Variants in CHODL observed in about 807,000 individuals in gnomAD.
CHODL encodes transmembrane protein MT75.
CHODL carries 29 observed loss-of-function variants against 34.5 expected under a neutral mutation model. The observed-to-expected ratio is 0.84, with a 90% CI of 0.63 to 1.15. The LOEUF (loss-of-function observed/expected upper bound fraction) is 1.15, where lower values mean the gene tolerates loss of function less well. Among genes scored for constraint, CHODL ranks in the 50% most tolerant of loss-of-function variants. The probability of loss-of-function intolerance (pLI) is 0.00; values close to 1 mark genes in which losing one functional copy is unlikely to be tolerated. For missense variants in CHODL, 332 were observed against 332.5 expected, an observed-to-expected ratio of 1.00 and a Z score of 0.01; for synonymous variants, 125 against 116.1, an observed-to-expected ratio of 1.08 and a Z score of -0.49.
intron 2 of CHODL, among the ~76,000 whole-genome samples, chr21:18,076,620 C>A (rs1349576071): frequency 1.3e-5 from 2 of 152,134 alleles, no homozygotes; most frequent in Admixed American, 1.3e-4. Flanking sequence ...TGGGAGAGAA[C>A]ACAAAGGATG....
At chr21:18,220,775 A>G (rs1264165133) in intron 2 of CHODL, among the ~76,000 whole-genome samples, 1 of 151,908 alleles carries the variant, frequency 6.6e-6, no homozygotes, top group African/African-American at 2.4e-5. Flanking sequence ...TCTGATGATA[A>G]TCCTTTTGTA....
chr21:18,004,326 A>G lies in CHODL; in HGVS notation c.-144-23546A>G, dbSNP rs1003587008. On this transcript the variant is annotated intron_variant, in intron 1 of 6. Transcript: ENST00000400127. ...TAGCACAAAGAAGGTTTTAGCCTCTATAAGTGGTGTCAAAGGTCTAAATCA... is the reference window on the plus strand; with the variant it reads ...TAGCACAAAGAAGGTTTTAGCCTCTGTAAGTGGTGTCAAAGGTCTAAATCA... Among the ~76,000 whole-genome samples, 23 of 152,378 alleles carry G rather than the reference A, an allele frequency of 1.5e-4. 1 individual carries two copies. The South Asian group carries it at 3.7e-3, about 25-fold the overall frequency.
chr21:18,121,698 T>C (rs536257521), intron 2 of CHODL, among the ~76,000 whole-genome samples: 2 of 152,286 alleles, frequency 1.3e-5, no homozygotes, highest in African/African-American at 4.8e-5. Context: ...TCTTTGATGC[T>C]TAAAGTTGTA....
chr21:17,919,051 G>A (rs1449618876), intron 1 of CHODL, among the ~76,000 whole-genome samples: 1 of 152,238 alleles, frequency 6.6e-6, no homozygotes, highest in Non-Finnish European at 1.5e-5. Flanking sequence ...GGGCAGCTCT[G>A]CCCCTGTGGC....
intron 2 of CHODL, among the ~76,000 whole-genome samples, chr21:18,215,393 G>A (rs2073815737): frequency 6.6e-6 from 1 of 152,004 alleles, no homozygotes; most frequent in Non-Finnish European, 1.5e-5. Flanking sequence ...TTATGTGGAA[G>A]GAATACGTCT....
intron 1 of CHODL, among the ~76,000 whole-genome samples, chr21:18,249,860 C>T (rs1168657703): frequency 6.6e-6 from 1 of 152,136 alleles, no homozygotes; most frequent in Non-Finnish European, 1.5e-5. Flanking sequence ...GCAGATTGTG[C>T]ACTGTGTCGA....
At chr21:18,238,433 T>G (rs1447123798) in intron 2 of CHODL, among the ~76,000 whole-genome samples, 1 of 152,078 alleles carries the variant, frequency 6.6e-6, no homozygotes, top group Non-Finnish European at 1.5e-5. Context: ...CATCAGATCT[T>G]GTGAGACTCA....
At chr21:18,149,026 AT>A (rs2072933438) in intron 2 of CHODL, among the ~76,000 whole-genome samples, 1 of 151,832 alleles carries the variant, frequency 6.6e-6, no homozygotes, top group African/African-American at 2.4e-5. Context: ...TAGAGAACTT[AT>A]TTTTTCCCTT....
chr21:18,034,682 T>G (rs974481144), intron 2 of CHODL: 9 of 152,050 alleles, frequency 5.9e-5, no homozygotes, highest in Non-Finnish European at 8.8e-5. Flanking sequence ...AATAGACTAC[T>G]GGGTCAGCAG....
intron 1 of CHODL, among the ~76,000 whole-genome samples, chr21:17,946,318 C>G (rs2063408766): frequency 6.6e-6 from 1 of 152,090 alleles, no homozygotes; most frequent in African/African-American, 2.4e-5. Context: ...ACTCGGGAGG[C>G]TGAGGCAGGA....
intron 1 of CHODL, among the ~76,000 whole-genome samples, chr21:18,012,498 A>C (rs1156592203): frequency 6.6e-6 from 1 of 152,244 alleles, no homozygotes; most frequent in Admixed American, 6.5e-5. Flanking sequence ...ATTAATGTAT[A>C]TAGAAGTATA....
chr21:18,076,036 A>G (rs2064861837), intron 2 of CHODL, among the ~76,000 whole-genome samples: 1 of 152,194 alleles, frequency 6.6e-6, no homozygotes, highest in African/African-American at 2.4e-5. Context: ...GAACTGAGAA[A>G]GATAAATTTC....
At chr21:18,096,283 G>A (rs919217044) in intron 2 of CHODL, among the ~76,000 whole-genome samples, 1 of 152,106 alleles carries the variant, frequency 6.6e-6, no homozygotes, top group Admixed American at 6.5e-5. Flanking sequence ...TTTGTAAAAC[G>A]TGTGTTTGAA....
intron 2 of CHODL, among the ~76,000 whole-genome samples, chr21:18,068,623 C>T (rs1348830728): frequency 1.3e-5 from 2 of 152,164 alleles, no homozygotes; most frequent in Non-Finnish European, 2.9e-5. Flanking sequence ...CGTAGATGTT[C>T]CCAAGTTGAA....
At chr21:17,948,393 AC>A (rs1568812087) in intron 1 of CHODL, among the ~76,000 whole-genome samples, 1 of 152,062 alleles carries the variant, frequency 6.6e-6, no homozygotes, top group East Asian at 1.9e-4. Context: ...AATAAAAAAA[AC>A]AAGAACTAAT....
intron 2 of CHODL, among the ~76,000 whole-genome samples, chr21:18,236,271 T>A (rs982506827): frequency 1.3e-5 from 2 of 152,074 alleles, no homozygotes; most frequent in African/African-American, 4.8e-5. Context: ...ACTTACATCA[T>A]GAGACTAGCA....
At chr21:18,234,896 TG>T (rs1387524889) in intron 2 of CHODL, among the ~76,000 whole-genome samples, 8 of 152,122 alleles carry the variant, frequency 5.3e-5, no homozygotes, top group Non-Finnish European at 1.2e-4. Context: ...TTAAATAGTA[TG>T]AAAAGTTCCA....
At chr21:18,236,784 T>C (rs1197430850) in intron 2 of CHODL, among the ~76,000 whole-genome samples, 1 of 152,128 alleles carries the variant, frequency 6.6e-6, no homozygotes, top group African/African-American at 2.4e-5. Flanking sequence ...CTACTTATAT[T>C]TATAAGATAT....
At chr21:17,963,530 T>G (rs2063549092) in intron 1 of CHODL, among the ~76,000 whole-genome samples, 4 of 152,168 alleles carry the variant, frequency 2.6e-5, no homozygotes, top group Admixed American at 2.6e-4. Context: ...CTGCCCTTTA[T>G]TAAACCATCA....
Sources: gnomAD v4.1 joint callset for allele counts (sites outside exome capture counted in the v4.1 genomes callset) on GRCh38, gnomAD v4.1.1 for gene constraint, MANE v1.5 for transcripts, NCBI Gene and HGNC (gene_info 2026-07-23, HGNC 2026-07-21) for gene names.